The following GFPT1 variants were observed in gnomAD, a reference collection of about 807,000 sequenced individuals.
The protein encoded by GFPT1 is glutamine--fructose-6-phosphate aminotransferase [isomerizing] 1.
Under a neutral mutation model 92.0 loss-of-function variants are expected in GFPT1, and 40 were observed. That is an observed-to-expected ratio of 0.43 (90% CI 0.34 to 0.57). The LOEUF (loss-of-function observed/expected upper bound fraction) is 0.57, where lower values mean the gene tolerates loss of function less well. Ranked by LOEUF, GFPT1 falls within the 20% of genes least tolerant of loss-of-function variation. The pLI is 0.02. For synonymous variants in GFPT1, 269 were observed against 280.6 expected (o/e 0.96, Z 0.41); for missense variants, 448 against 869.1 (o/e 0.52, Z 6.09).
intron 1 of GFPT1, among the ~76,000 whole-genome samples, chr2:69,376,827 T>C (rs937967128): frequency 2.0e-5 from 3 of 152,218 alleles, no homozygotes; most frequent in Non-Finnish European, 4.4e-5. Context: ...GATTTAAAGA[T>C]TAAAGATGTA....
chr2:69,326,385 A>G (rs925671372), intron 19 of GFPT1, 152 bp from the exon 20 acceptor site: 1 of 643,380 alleles, frequency 1.6e-6, no homozygotes, highest in African/African-American at 1.8e-5. Context: ...GAATTAGATT[A>G]GAAAATATAA....
At chr2:69,368,218 T>C (rs1191263318) in intron 3 of GFPT1, among the ~76,000 whole-genome samples, 1 of 151,906 alleles carries the variant, frequency 6.6e-6, no homozygotes, top group Non-Finnish European at 1.5e-5. Context: ...CCATCTCTAC[T>C]AAAAATACGA....
chr2:69,349,306 T>C (rs1031831348), intron 10 of GFPT1, among the ~76,000 whole-genome samples: 3 of 152,218 alleles, frequency 2.0e-5, no homozygotes, highest in African/African-American at 7.2e-5. Flanking sequence ...AAGGCTGATA[T>C]GTTTCTGTAA....
intron 1 of GFPT1, among the ~76,000 whole-genome samples, chr2:69,385,544 A>AT (rs72202391): frequency 1.2e-4 from 7 of 60,018 alleles, no homozygotes; most frequent in East Asian, 9.3e-4. Context: ...TTATTTATTT[A>AT]TTTTTTTTTC....
intron 7 of GFPT1, among the ~76,000 whole-genome samples, chr2:69,356,246 G>C (rs961460635): frequency 1.3e-5 from 2 of 151,986 alleles, no homozygotes; most frequent in Non-Finnish European, 2.9e-5. Flanking sequence ...CGCCTGCCTC[G>C]ACCTCCCAAA....
At chr2:69,354,202 A>G in intron 9 of GFPT1, 57 bp downstream of exon 9, 1 of 1,201,390 alleles carries the variant, frequency 8.3e-7, no homozygotes, top group South Asian at 1.3e-5. Context: ...AAGAATTAGT[A>G]AAGAATAAAC....
chr2:69,335,361 T>C (rs1441357114), intron 15 of GFPT1, among the ~76,000 whole-genome samples: 3 of 152,146 alleles, frequency 2.0e-5, no homozygotes, highest in Admixed American at 2.0e-4. Context: ...CATCATAAAA[T>C]GTTGAGGCAA....
intron 17 of GFPT1, among the ~76,000 whole-genome samples, chr2:69,328,699 C>T (rs949045185): frequency 9.8e-5 from 9 of 91,856 alleles, no homozygotes; most frequent in African/African-American, 4.5e-4. Flanking sequence ...TTCTGGTTAA[C>T]CCTTTTTTTT....
chr2:69,381,340 T>C (rs1234566743), intron 1 of GFPT1, among the ~76,000 whole-genome samples: 1 of 152,138 alleles, frequency 6.6e-6, no homozygotes, highest in Non-Finnish European at 1.5e-5. Flanking sequence ...AAGGTCTCAA[T>C]ATGCTGTCCG....
intron 12 of GFPT1, among the ~76,000 whole-genome samples, chr2:69,345,452 T>C (rs1207580240): frequency 1.3e-5 from 2 of 152,182 alleles, no homozygotes; most frequent in African/African-American, 4.8e-5. Context: ...GTCTTATTCT[T>C]CTTAGAATTC....
intron 9 of GFPT1, among the ~76,000 whole-genome samples, 164 bp downstream of exon 9, chr2:69,354,095 A>G (rs1671276837): frequency 6.6e-6 from 1 of 152,250 alleles, no homozygotes; most frequent in African/African-American, 2.4e-5. Context: ...CAGACACGCA[A>G]AATATACTCC....
chr2:69,347,349 C>T (rs1464333814), intron 11 of GFPT1, among the ~76,000 whole-genome samples: 1 of 151,942 alleles, frequency 6.6e-6, no homozygotes, highest in Admixed American at 6.6e-5. Flanking sequence ...CCGTGCCTGG[C>T]CAATGTTAGT....
intron 1 of GFPT1, among the ~76,000 whole-genome samples, chr2:69,375,969 C>G (rs1390794788): frequency 6.6e-6 from 1 of 152,196 alleles, no homozygotes; most frequent in East Asian, 1.9e-4. Flanking sequence ...GTCTCCAGAC[C>G]AATCTGCACC....
At chr2:69,352,491 T>C (rs1157270224) in intron 9 of GFPT1, among the ~76,000 whole-genome samples, 5 of 150,422 alleles carry the variant, frequency 3.3e-5, no homozygotes, top group Non-Finnish European at 7.4e-5. Flanking sequence ...CACGTGCCTG[T>C]AATCCCAGCT....
rs2104617076 is a variant in GFPT1 at position 69,338,437 on chromosome 2, T to A, written c.1324+8A>T. The A allele has an allele frequency of 6.2e-7, 1 of 1,610,344 alleles. No individual in the cohort carries two copies. Among genetic ancestry groups the A allele is most frequent in the Non-Finnish European group, 8.5e-7 (1 of 1,176,634 alleles). ...TTCCTTCCTTTTAAGTCTTTAAAAT[T>A]AACACACCTGATTGACTAAGGAAAA... On this transcript the variant is annotated splice_region_variant and intron_variant, in intron 14 of 19. Transcript: ENST00000357308.
intron 15 of GFPT1, among the ~76,000 whole-genome samples, chr2:69,336,096 T>C (rs1193359183): frequency 1.3e-5 from 2 of 150,706 alleles, no homozygotes; most frequent in Non-Finnish European, 2.9e-5. Flanking sequence ...TCCAGCACTT[T>C]GGGAGGTTGA....
intron 11 of GFPT1, among the ~76,000 whole-genome samples, chr2:69,347,080 T>G (rs1425227011): frequency 6.6e-6 from 1 of 152,084 alleles, no homozygotes; most frequent in Non-Finnish European, 1.5e-5. Context: ...CATAATTTTC[T>G]TTGTATTTTT....
intron 15 of GFPT1, among the ~76,000 whole-genome samples, chr2:69,336,339 CAAAAA>C (rs61141681): frequency 1.0e-5 from 1 of 98,094 alleles, no homozygotes. Context: ...AGTCTGTCTC[CAAAAA>C]AAAAAAAAAA....
At chr2:69,327,983 C>T (rs1670571455) in intron 18 of GFPT1, among the ~76,000 whole-genome samples, 1 of 151,444 alleles carries the variant, frequency 6.6e-6, no homozygotes. Flanking sequence ...CCTGTAATCC[C>T]AGCTACTTGG....
Sources: gnomAD v4.1 joint callset for allele counts (sites outside exome capture counted in the v4.1 genomes callset) on GRCh38, gnomAD v4.1.1 for gene constraint, MANE v1.5 for transcripts, NCBI Gene and HGNC (gene_info 2026-07-23, HGNC 2026-07-21) for gene names.